Variants in PREX2 observed in about 807,000 individuals in gnomAD.
PREX2 encodes the protein phosphatidylinositol 3,4,5-trisphosphate-dependent Rac exchanger 2 protein.
A neutral mutation model predicts 203.2 loss-of-function variants in PREX2; 107 were observed. That is an observed-to-expected ratio of 0.53 (90% CI 0.45 to 0.62). The LOEUF (loss-of-function observed/expected upper bound fraction) is 0.62, where lower values mean the gene tolerates loss of function less well. Ranked by LOEUF, PREX2 falls within the 20% of genes least tolerant of loss-of-function variation. The pLI is 0.00. For missense variants in PREX2, 1,777 were observed against 1,955.9 expected, an observed-to-expected ratio of 0.91 and a Z score of 1.72; for synonymous variants, 672 against 663.6, an observed-to-expected ratio of 1.01 and a Z score of -0.19.
intron 11 of PREX2, among the ~76,000 whole-genome samples, chr8:68,062,233 G>A (rs546075090): frequency 8.4e-4 from 127 of 152,028 alleles, no homozygotes; most frequent in African/African-American, 3.0e-3. Context: ...TCTAGTCGCC[G>A]TCATCTCCTC....
At chr8:68,161,791 G>C (rs937265498) in intron 35 of PREX2, among the ~76,000 whole-genome samples, 3 of 151,788 alleles carry the variant, frequency 2.0e-5, no homozygotes, top group African/African-American at 7.3e-5. Context: ...ATATCTGGTA[G>C]TTTTAGTTAC....
chr8:68,108,275 A>G lies in PREX2; in HGVS notation c.2882A>G (p.Gln961Arg), dbSNP rs1810459312. Residue 961 changes from glutamine (Q) to arginine (R), a missense_variant, in exon 24 of 40, where the codon CAG (glutamine) becomes CGG (arginine). Transcript: ENST00000288368. ...TCTTTGGGAAGTGCATTTGGTGTTC[A>G]GTTGGATAGCAGGAAGCATAATTCT... ...STSLGSAFGV[Q>R]LDSRKHNSHD... 3 of 1,614,030 alleles carry G rather than the reference A, an allele frequency of 1.9e-6. No individual in the cohort carries two copies. Among genetic ancestry groups the G allele is most frequent in the Middle Eastern group, 3.3e-4 (2 of 6,062 alleles).
intron 4 of PREX2, among the ~76,000 whole-genome samples, chr8:68,023,967 G>A (rs1374533648): frequency 6.6e-6 from 1 of 151,166 alleles, no homozygotes; most frequent in Admixed American, 6.6e-5. Context: ...TTTTTTTCTT[G>A]CCTTATTGCA....
intron 1 of PREX2, among the ~76,000 whole-genome samples, chr8:67,972,877 T>A (rs756638620): frequency 9.2e-5 from 14 of 152,174 alleles, no homozygotes; most frequent in Non-Finnish European, 2.1e-4. Flanking sequence ...GGACATTCCA[T>A]TGTATGTCTC....
chr8:68,045,033 A>G (rs934357443), intron 8 of PREX2, among the ~76,000 whole-genome samples: 1 of 152,070 alleles, frequency 6.6e-6, no homozygotes, highest in African/African-American at 2.4e-5. Flanking sequence ...CAGGTTGTCA[A>G]TTTTCTTGTA....
chr8:68,078,894 A>G (rs936418319), intron 15 of PREX2, among the ~76,000 whole-genome samples: 6 of 152,254 alleles, frequency 3.9e-5, no homozygotes, highest in Admixed American at 1.3e-4. Flanking sequence ...AAGCATGAAC[A>G]GTGTAGCTCA....
In PREX2 at chr8:68,192,382, C is replaced by A. The variant is rs1411497696; in HGVS notation, c.4461C>A (p.Ala1487=). 1 of 1,612,544 alleles carries A rather than the reference C, an allele frequency of 6.2e-7. No homozygotes were observed. Among genetic ancestry groups the A allele is most frequent in the Non-Finnish European group, 8.5e-7 (1 of 1,179,130 alleles). ...TGGATGAACTTTACCGACTGGTAGC[C>A]TCGTTTATCAGATCCAAGCGCACAG... is the stretch of plus-strand genomic sequence containing the variant. ...NALDELYRLV[A]SFIRSKRTAA... The change falls in exon 37 of 40, where the codon GCC becomes GCA. Residue 1487 remains alanine (A), a synonymous_variant. Coordinates refer to ENST00000288368, the MANE Select transcript of PREX2 (RefSeq NM_024870.4).
chr8:67,957,096 T>G (rs1034155399), intron 1 of PREX2, among the ~76,000 whole-genome samples: 41 of 152,208 alleles, frequency 2.7e-4, no homozygotes, highest in Admixed American at 9.2e-4. Flanking sequence ...GATGCTACAG[T>G]TGTTATAAAG....
At chr8:68,070,207 G>A (rs1809157166) in intron 13 of PREX2, among the ~76,000 whole-genome samples, 1 of 151,402 alleles carries the variant, frequency 6.6e-6, no homozygotes, top group Non-Finnish European at 1.5e-5. Flanking sequence ...TGGAAATACT[G>A]TTTACATATT....
At chr8:68,139,145 A>C (rs1811170198) in intron 33 of PREX2, among the ~76,000 whole-genome samples, 1 of 152,180 alleles carries the variant, frequency 6.6e-6, no homozygotes, top group African/African-American at 2.4e-5. Context: ...AATAGGCAAA[A>C]TAATTTTATA....
chr8:67,978,962 C>T (rs28434671), intron 1 of PREX2, among the ~76,000 whole-genome samples: 7,500 of 152,240 alleles, frequency 0.049, 408 homozygotes, highest in African/African-American at 0.13. Flanking sequence ...ATGCACTTTA[C>T]ACTACAGTAT....
At chr8:67,984,849 T>C (rs1360992850) in intron 1 of PREX2, among the ~76,000 whole-genome samples, 2 of 152,000 alleles carry the variant, frequency 1.3e-5, no homozygotes, top group Non-Finnish European at 2.9e-5. Context: ...ATGCTGAAGG[T>C]CCTAGCTGCG....
intron 31 of PREX2, among the ~76,000 whole-genome samples, chr8:68,131,528 A>G (rs553972296): frequency 6.6e-6 from 1 of 152,110 alleles, no homozygotes; most frequent in South Asian, 2.1e-4. Flanking sequence ...GTGAATGAAA[A>G]TAACTACAAG....
intron 37 of PREX2, among the ~76,000 whole-genome samples, chr8:68,212,795 A>G (rs543044974): frequency 6.6e-6 from 1 of 152,228 alleles, no homozygotes; most frequent in Non-Finnish European, 1.5e-5. Flanking sequence ...AAGCTTTCCA[A>G]CATCAAAATG....
Position 68,080,553 on chromosome 8 carries a change from G to A in PREX2, c.1753G>A (p.Val585Ile). 2 of 1,608,686 alleles carry A rather than the reference G, an allele frequency of 1.2e-6. No individual in the cohort carries two copies. Among genetic ancestry groups the A allele is most frequent in the Non-Finnish European group, 1.7e-6 (2 of 1,176,048 alleles). Reference sequence around the variant, plus strand: ...TCGACTTATGAAACATGACTTAAAAGTTGTGGAAAATGTTATAGCTAAGTC... The same window carrying A: ...TCGACTTATGAAACATGACTTAAAAATTGTGGAAAATGTTATAGCTAAGTC... Reference protein sequence around the residue: ...KHRLMKHDLKVVENVIAKSLL... With the variant: ...KHRLMKHDLKIVENVIAKSLL... The change falls in exon 16 of 40, where the codon GTT becomes ATT. Residue 585 changes from valine (V) to isoleucine (I), a missense_variant. Physicochemically the swap from Val to Ile is conservative, Grantham distance 29. Coordinates refer to ENST00000288368, the MANE Select transcript of PREX2 (RefSeq NM_024870.4).
At chr8:68,060,597 T>C (rs985677658) in intron 10 of PREX2, 82 bp from the exon 11 acceptor site, 1 of 842,814 alleles carries the variant, frequency 1.2e-6, no homozygotes, top group Non-Finnish European at 1.9e-6. Context: ...CCTTTCATCA[T>C]TGCTTCATGA....
chr8:68,000,155 C>T (rs973511751), intron 1 of PREX2, among the ~76,000 whole-genome samples: 1 of 152,090 alleles, frequency 6.6e-6, no homozygotes, highest in Non-Finnish European at 1.5e-5. Context: ...GGAAGTCAAA[C>T]TATCCCTATT....
At chr8:68,013,436 T>C (rs1585705162) in intron 1 of PREX2, among the ~76,000 whole-genome samples, 1 of 152,132 alleles carries the variant, frequency 6.6e-6, no homozygotes, top group African/African-American at 2.4e-5. Context: ...TGGTGCCCAA[T>C]AGAAATCTGA....
At chr8:68,023,531 T>C (rs1807628936) in intron 4 of PREX2, among the ~76,000 whole-genome samples, 1 of 152,192 alleles carries the variant, frequency 6.6e-6, no homozygotes. Flanking sequence ...CTATATCAGG[T>C]ATACAATATG....
Sources: gnomAD v4.1 joint callset for allele counts (sites outside exome capture counted in the v4.1 genomes callset) on GRCh38, gnomAD v4.1.1 for gene constraint, MANE v1.5 for transcripts, NCBI Gene and HGNC (gene_info 2026-07-23, HGNC 2026-07-21) for gene names.